GRIK4: variants seen among roughly 807,000 people sequenced by gnomAD.
GRIK4 encodes the protein glutamate receptor ionotropic, kainate 4.
Under a neutral mutation model 104.9 loss-of-function variants are expected in GRIK4, and 40 were observed. The ratio of observed to expected loss-of-function variants is 0.38; its 90% confidence interval spans 0.30 to 0.50. The LOEUF (loss-of-function observed/expected upper bound fraction) is 0.50. Among genes scored for constraint, GRIK4 ranks in the 20% least tolerant of loss-of-function variants. The pLI, the probability that GRIK4 is intolerant of heterozygous loss-of-function variation, is 0.93. For missense variants in GRIK4, 1,047 were observed against 1,308.1 expected (o/e 0.80, Z 3.08); for synonymous variants, 485 against 524.9 (o/e 0.92, Z 1.04).
At chr11:120,746,183 A>C (rs370442492) in intron 3 of GRIK4, among the ~76,000 whole-genome samples, 87 of 152,216 alleles carry the variant, frequency 5.7e-4, no homozygotes, top group African/African-American at 2.1e-3. Context: ...AAAGCTGACC[A>C]AAGTATTCCT....
At chr11:120,706,078 C>T (rs1036905177) in intron 3 of GRIK4, among the ~76,000 whole-genome samples, 2 of 152,076 alleles carry the variant, frequency 1.3e-5, no homozygotes, top group African/African-American at 2.4e-5. Context: ...TTCCAGGGAC[C>T]CTGGACAGCC....
intron 1 of GRIK4, among the ~76,000 whole-genome samples, chr11:120,590,917 G>A (rs565100707): frequency 1.3e-5 from 2 of 152,134 alleles, no homozygotes; most frequent in East Asian, 3.9e-4. Context: ...ACGAATCCCC[G>A]GCTTCCATCC....
chr11:120,929,828 A>G (rs1459223856), intron 13 of GRIK4, among the ~76,000 whole-genome samples: 14 of 101,052 alleles, frequency 1.4e-4, no homozygotes, highest in Admixed American at 4.7e-4. Context: ...CTAGTGGGGA[A>G]CCTACGGCTT....
At chr11:120,520,617 G>A (rs1947784837) in intron 1 of GRIK4, among the ~76,000 whole-genome samples, 1 of 152,070 alleles carries the variant, frequency 6.6e-6, no homozygotes, top group Non-Finnish European at 1.5e-5. Context: ...GCCCCCACTG[G>A]ACCAACCAGG....
chr11:120,897,465 C>A (rs1488865790), intron 11 of GRIK4, among the ~76,000 whole-genome samples: 1 of 151,186 alleles, frequency 6.6e-6, no homozygotes, highest in African/African-American at 2.4e-5. Context: ...GAAACCCCAT[C>A]TCTACCAAAA....
intron 3 of GRIK4, among the ~76,000 whole-genome samples, chr11:120,768,031 G>GT (rs111604415): frequency 0.05 from 7,081 of 141,528 alleles, 171 homozygotes; most frequent in East Asian, 0.072. Flanking sequence ...GATATTAAGG[G>GT]TTTTTTTTTT....
chr11:120,965,556 G>A (rs1485140054), intron 18 of GRIK4, among the ~76,000 whole-genome samples: 2 of 152,212 alleles, frequency 1.3e-5, no homozygotes, highest in African/African-American at 4.8e-5. Context: ...CTCTGCTGGT[G>A]GTTGCCCAAA....
intron 3 of GRIK4, among the ~76,000 whole-genome samples, chr11:120,685,272 A>T (rs1950257882): frequency 6.6e-6 from 1 of 152,306 alleles, no homozygotes; most frequent in South Asian, 2.1e-4. Context: ...CACCTAAGAG[A>T]GTGTGAAAAT....
chr11:120,560,187 T>C (rs1390021694), intron 1 of GRIK4, among the ~76,000 whole-genome samples: 1 of 152,148 alleles, frequency 6.6e-6, no homozygotes, highest in African/African-American at 2.4e-5. Flanking sequence ...TAGCTGGGAT[T>C]GTAGGTGTGT....
intron 3 of GRIK4, among the ~76,000 whole-genome samples, chr11:120,795,003 C>A (rs1174261568): frequency 2.0e-5 from 3 of 152,006 alleles, no homozygotes; most frequent in Non-Finnish European, 4.4e-5. Context: ...GCTGGGCCTC[C>A]GAGAGTGAGC....
At chr11:120,826,080 A>G (rs1953251578) in intron 6 of GRIK4, among the ~76,000 whole-genome samples, 1 of 152,206 alleles carries the variant, frequency 6.6e-6, no homozygotes, top group Non-Finnish European at 1.5e-5. Flanking sequence ...ACACCATGCT[A>G]AGGGTTTTTA....
intron 3 of GRIK4, among the ~76,000 whole-genome samples, chr11:120,772,246 A>G (rs1434474010): frequency 6.6e-6 from 1 of 152,174 alleles, no homozygotes; most frequent in Non-Finnish European, 1.5e-5. Flanking sequence ...AACAAAAAAA[A>G]CCTTAGAATG....
At chr11:120,590,572 A>T (rs992328566) in intron 1 of GRIK4, among the ~76,000 whole-genome samples, 6 of 152,062 alleles carry the variant, frequency 3.9e-5, no homozygotes, top group African/African-American at 1.4e-4. Context: ...TGTAATTGGC[A>T]CTCGCTTCAA....
intron 3 of GRIK4, among the ~76,000 whole-genome samples, chr11:120,705,688 G>A (rs575615386): frequency 6.6e-6 from 1 of 152,184 alleles, no homozygotes; most frequent in African/African-American, 2.4e-5. Context: ...ATTTCTTTCA[G>A]CAATATTTTG....
At chr11:120,965,893 C>T (rs1171637338) in intron 18 of GRIK4, among the ~76,000 whole-genome samples, 3 of 152,194 alleles carry the variant, frequency 2.0e-5, no homozygotes, top group Non-Finnish European at 4.4e-5. Flanking sequence ...TCTGCCTGAT[C>T]CTTCATGGTA....
intron 13 of GRIK4, among the ~76,000 whole-genome samples, chr11:120,915,807 T>A (rs1174282265): frequency 3.3e-5 from 5 of 152,194 alleles, no homozygotes; most frequent in Non-Finnish European, 7.3e-5. Flanking sequence ...CATGAGTTAA[T>A]TTGATCCTTA....
intron 1 of GRIK4, among the ~76,000 whole-genome samples, chr11:120,560,263 G>T (rs1358499947): frequency 6.6e-6 from 1 of 152,020 alleles, no homozygotes; most frequent in Non-Finnish European, 1.5e-5. Flanking sequence ...TGTTGGCCAG[G>T]CTGGTCTCAA....
chr11:120,668,093 A>AGATAGATG (rs1242065753), intron 3 of GRIK4, among the ~76,000 whole-genome samples: 1 of 142,304 alleles, frequency 7.0e-6, no homozygotes, highest in South Asian at 2.3e-4. Context: ...ATAGATGGAT[A>AGATAGATG]GATAGATGGA....
At chr11:120,814,495 G>A (rs574366309) in intron 4 of GRIK4, among the ~76,000 whole-genome samples, 1 of 152,316 alleles carries the variant, frequency 6.6e-6, no homozygotes, top group South Asian at 2.1e-4. Flanking sequence ...AGTTACTCCT[G>A]AGGCAGGAGA....
Sources: allele counts gnomAD v4.1 joint callset (sites outside exome capture counted in the v4.1 genomes callset), GRCh38; gene constraint gnomAD v4.1.1; transcripts MANE v1.5; gene names NCBI Gene and HGNC (gene_info 2026-07-23, HGNC 2026-07-21).